Variants in PAK1 observed in about 807,000 individuals in gnomAD.
PAK1 encodes the protein p21 (RAC1) activated kinase 1.
PAK1 carries 29 observed loss-of-function variants against 67.4 expected under a neutral mutation model. The observed-to-expected ratio is 0.43, with a 90% CI of 0.32 to 0.59. The LOEUF is 0.59. PAK1 is among the 20% of genes least tolerant of loss of function. PAK1 has a pLI of 0.07. For synonymous variants in PAK1, 223 were observed against 237.4 expected, an observed-to-expected ratio of 0.94 and a Z score of 0.56; for missense variants, 337 against 670.7, an observed-to-expected ratio of 0.50 and a Z score of 5.50.
intron 14 of PAK1, chr11:77,325,224 T>C (rs990330411): frequency 2.8e-6 from 4 of 1,422,868 alleles, no homozygotes; most frequent in Admixed American, 3.9e-5. Flanking sequence ...AGATGAGCCC[T>C]AAGGGCTTCC....
At chr11:77,444,938 C>G (rs1956528487) in intron 1 of PAK1, among the ~76,000 whole-genome samples, 1 of 151,828 alleles carries the variant, frequency 6.6e-6, no homozygotes, top group African/African-American at 2.4e-5. Flanking sequence ...CTTTTCCTGA[C>G]CATCCAGCCT....
At chr11:77,489,376 A>ATCTCCCCTCCCTCC in the PAK1 span, among the ~76,000 whole-genome samples, 4 of 146,080 alleles carry the variant, frequency 2.7e-5, no homozygotes, top group Non-Finnish European at 6.1e-5. Flanking sequence ...GCTCTCTCCT[A>ATCTCCCCTCCCTCC]TCTCCCCTCC....
intron 5 of PAK1, among the ~76,000 whole-genome samples, chr11:77,360,127 G>A (rs866476353): frequency 5.3e-5 from 8 of 152,094 alleles, no homozygotes; most frequent in Non-Finnish European, 1.0e-4. Flanking sequence ...TCAGAATAAC[G>A]GGATAAATGG....
chr11:77,477,147 A>C (rs1051888941), upstream of PAK1: 6 of 152,262 alleles, frequency 3.9e-5, no homozygotes, highest in African/African-American at 1.4e-4. Flanking sequence ...TGTCCACCAA[A>C]GCTGCAGCTG....
At chr11:77,424,775 G>A (rs941371919) in intron 1 of PAK1, among the ~76,000 whole-genome samples, 9 of 152,188 alleles carry the variant, frequency 5.9e-5, no homozygotes, top group South Asian at 2.1e-4. Context: ...CTTACCCAAC[G>A]GCTTGAGTAG....
intron 1 of PAK1, among the ~76,000 whole-genome samples, chr11:77,436,512 G>A (rs567174228): frequency 1.3e-5 from 2 of 152,224 alleles, no homozygotes; most frequent in East Asian, 3.9e-4. Context: ...CCTCTCATGT[G>A]CCTACTGATT....
At chr11:77,325,809 C>A (rs994040554) in intron 14 of PAK1, among the ~76,000 whole-genome samples, 1 of 152,176 alleles carries the variant, frequency 6.6e-6, no homozygotes, top group Non-Finnish European at 1.5e-5. Flanking sequence ...ACCTCAATTA[C>A]AAAGACATGC....
intron 5 of PAK1, among the ~76,000 whole-genome samples, chr11:77,364,330 TG>T (rs1230352651): frequency 6.6e-6 from 1 of 152,210 alleles, no homozygotes; most frequent in African/African-American, 2.4e-5. Context: ...CTTACAGAGT[TG>T]AAGTTTTTGA....
At chr11:77,419,548 G>A (rs1415624402) in intron 1 of PAK1, among the ~76,000 whole-genome samples, 1 of 152,148 alleles carries the variant, frequency 6.6e-6, no homozygotes, top group African/African-American at 2.4e-5. Context: ...CAAAAATTTG[G>A]TTTTGTTTGG....
intron 1 of PAK1, among the ~76,000 whole-genome samples, chr11:77,451,904 C>CTG (rs2135404507): frequency 6.6e-6 from 1 of 152,212 alleles, no homozygotes; most frequent in African/African-American, 2.4e-5. Flanking sequence ...CGACCTCTCT[C>CTG]GTTAATGTCT....
At chr11:77,460,120 C>T (rs1957267385) in intron 1 of PAK1, among the ~76,000 whole-genome samples, 1 of 148,318 alleles carries the variant, frequency 6.7e-6, no homozygotes, top group Admixed American at 6.8e-5. Flanking sequence ...GGTGTGAAGG[C>T]CCTGAGGAGA....
At chr11:77,337,497 C>G (rs1237892831) in intron 11 of PAK1, 74 bp from the exon 12 acceptor site, 7 of 681,050 alleles carry the variant, frequency 1.0e-5, no homozygotes, top group Non-Finnish European at 1.5e-5. Context: ...AGAAAATCCA[C>G]TAATTCAACC....
the PAK1 span, among the ~76,000 whole-genome samples, chr11:77,519,867 T>C: frequency 2.0e-4 from 31 of 152,262 alleles, 1 homozygote; most frequent in Non-Finnish European, 3.5e-4. Context: ...CAGGATTTCA[T>C]TGGGCAAAAA....
At chr11:77,339,522 A>T (rs1194926116) in intron 11 of PAK1, among the ~76,000 whole-genome samples, 1 of 152,142 alleles carries the variant, frequency 6.6e-6, no homozygotes, top group Admixed American at 6.5e-5. Context: ...TAAGAATCCC[A>T]GCCTGGTATT....
intron 2 of PAK1, among the ~76,000 whole-genome samples, chr11:77,382,344 A>C (rs1451977084): frequency 1.3e-5 from 2 of 152,132 alleles, no homozygotes; most frequent in Non-Finnish European, 2.9e-5. Flanking sequence ...TTTACCCTGC[A>C]ACCTTTGAAT....
chr11:77,327,921 A>C (rs1222095147), intron 14 of PAK1, among the ~76,000 whole-genome samples: 2 of 152,206 alleles, frequency 1.3e-5, no homozygotes, highest in African/African-American at 4.8e-5. Context: ...ATAGGCTCAA[A>C]ATAAAGGGAT....
intron 1 of PAK1, among the ~76,000 whole-genome samples, chr11:77,395,899 C>CA (rs1188186120): frequency 1.3e-5 from 2 of 152,208 alleles, no homozygotes; most frequent in African/African-American, 2.4e-5. Flanking sequence ...TCAAGTCCCT[C>CA]AGCTCCCGCA....
chr11:77,340,639 G>A lies in PAK1; in HGVS notation c.1116+7C>T, dbSNP rs751827882. On this transcript the variant is annotated splice_region_variant and intron_variant, in intron 11 of 14. Transcript: ENST00000356341. ...TCTACCCAAGACTGCTTGGCCCTTGGCCTTACCTCACGGCACACAGCTGCA... is the reference window on the plus strand; with the variant it reads ...TCTACCCAAGACTGCTTGGCCCTTGACCTTACCTCACGGCACACAGCTGCA... The A allele has an allele frequency of 1.4e-6, 2 of 1,478,602 alleles. No homozygotes were observed. The highest frequency in any genetic ancestry group is 1.9e-6 in the Non-Finnish European group (2 of 1,056,302). The allele number at this position is 1,478,602 out of a possible 1,614,324, so 91.6% of individuals were successfully genotyped here.
chr11:77,449,312 G>C (rs1035461085), intron 1 of PAK1, among the ~76,000 whole-genome samples: 1 of 152,202 alleles, frequency 6.6e-6, no homozygotes, highest in Non-Finnish European at 1.5e-5. Context: ...CGACTTTAAA[G>C]GAAACTAGGC....
Sources: allele counts gnomAD v4.1 joint callset (sites outside exome capture counted in the v4.1 genomes callset), GRCh38; gene constraint gnomAD v4.1.1; transcripts MANE v1.5; gene names NCBI Gene and HGNC (gene_info 2026-07-23, HGNC 2026-07-21).